NRXN1: variants seen among roughly 807,000 people sequenced by gnomAD.
NRXN1 encodes neurexin 1, also known as neurexin-1.
In NRXN1, 39 loss-of-function variants were observed where a neutral mutation model predicts 150.9. The observed-to-expected ratio is 0.26, with a 90% CI of 0.20 to 0.34. The LOEUF (loss-of-function observed/expected upper bound fraction) is 0.34, where lower values mean the gene tolerates loss of function less well. NRXN1 is among the 10% of genes least tolerant of loss of function. The probability of loss-of-function intolerance (pLI) is 1.00; values close to 1 mark genes in which losing one functional copy is unlikely to be tolerated. For synonymous variants in NRXN1, 924 were observed against 757.0 expected, an observed-to-expected ratio of 1.22 and a Z score of -3.62; for missense variants, 1,815 against 1,949.9, an observed-to-expected ratio of 0.93 and a Z score of 1.30.
intron 5 of NRXN1, among the ~76,000 whole-genome samples, chr2:50,757,813 T>G (rs1255916184): frequency 6.6e-6 from 1 of 151,620 alleles, no homozygotes; most frequent in Admixed American, 6.6e-5. Flanking sequence ...TCAATATTGA[T>G]GCATGCTGTG....
At chr2:50,522,720 A>ATTTTTTTTTT (rs869200431) in intron 12 of NRXN1, among the ~76,000 whole-genome samples, 2 of 47,720 alleles carry the variant, frequency 4.2e-5, no homozygotes, top group East Asian at 5.0e-4. Context: ...ATTTTTATTC[A>ATTTTTTTTTT]TTTTTTTTTT....
chr2:50,910,851 C>T (rs1043136267), intron 5 of NRXN1, among the ~76,000 whole-genome samples: 6 of 151,828 alleles, frequency 4.0e-5, no homozygotes, highest in African/African-American at 1.5e-4. Flanking sequence ...ATTCTGCTTC[C>T]TCTATAACTC....
chr2:50,079,640 T>A (rs1010132600), intron 19 of NRXN1, among the ~76,000 whole-genome samples: 1 of 152,144 alleles, frequency 6.6e-6, no homozygotes, highest in African/African-American at 2.4e-5. Context: ...GTAATAATTT[T>A]GATGCTAGAC....
At position 50,531,251 on chromosome 2, in the gene NRXN1, G is replaced by A. The variant is rs201387857; in HGVS notation, c.2323C>T (p.Arg775Cys). The change falls in exon 11 of 23, where the codon CGT becomes TGT. Residue 775 changes from arginine to cysteine, a missense_variant. By Grantham distance (180) the Arg-to-Cys change is radical. This residue lies in a region of NRXN1 where 638 missense variants were observed against 652.6 expected (regional missense o/e 0.98). Transcript: ENST00000401669. ...DTLRLELDAGRVKLTVNLDCI... is the reference protein window; with the variant it reads ...DTLRLELDAGCVKLTVNLDCI... The stretch of plus-strand genomic sequence containing the variant: ...CCTAGATTGACCGTCAGTTTCACAC[G>A]TCCTGCGTCTAGCTCCAGGCGGAGG... The A allele has an allele frequency of 6.8e-6, 11 of 1,613,164 alleles. No homozygotes were observed. The highest frequency in any genetic ancestry group is 1.7e-4 in the Middle Eastern group (1 of 6,024).
intron 17 of NRXN1, among the ~76,000 whole-genome samples, chr2:50,385,406 A>G (rs941061974): frequency 1.3e-5 from 2 of 152,190 alleles, no homozygotes; most frequent in Non-Finnish European, 2.9e-5. Context: ...GACTTCCTTA[A>G]TTCAGTACTG....
chr2:50,764,837 T>C (rs1192586189), intron 5 of NRXN1, among the ~76,000 whole-genome samples: 1 of 152,048 alleles, frequency 6.6e-6, no homozygotes, highest in Non-Finnish European at 1.5e-5. Flanking sequence ...CATGATTTAC[T>C]GTATTCTTCA....
At chr2:50,733,287 T>A (rs944019385) in intron 5 of NRXN1, among the ~76,000 whole-genome samples, 3 of 152,152 alleles carry the variant, frequency 2.0e-5, no homozygotes, top group Non-Finnish European at 2.9e-5. Flanking sequence ...CACTGATGAA[T>A]AGAAACCAAC....
intron 18 of NRXN1, among the ~76,000 whole-genome samples, chr2:50,125,192 T>C (rs1349643642): frequency 1.3e-5 from 2 of 152,172 alleles, no homozygotes. Context: ...TAATCAATTA[T>C]TGATATGTAG....
chr2:51,021,822 T>C (rs1289627057), intron 2 of NRXN1, among the ~76,000 whole-genome samples: 4 of 152,092 alleles, frequency 2.6e-5, no homozygotes, highest in Admixed American at 6.6e-5. Context: ...GCTATTAATA[T>C]AGTAAAAATC....
intron 22 of NRXN1, among the ~76,000 whole-genome samples, chr2:49,927,614 A>T (rs991167387): frequency 3.3e-5 from 5 of 152,190 alleles, no homozygotes; most frequent in African/African-American, 9.6e-5. Flanking sequence ...TTGAAATTGG[A>T]AACAGCAATC....
chr2:50,519,199 T>C (rs2092711841), intron 12 of NRXN1, among the ~76,000 whole-genome samples: 1 of 151,946 alleles, frequency 6.6e-6, no homozygotes, highest in South Asian at 2.1e-4. Context: ...TCGAATGCAA[T>C]ATATTTTTTC....
chr2:50,457,769 A>C (rs1265514504), intron 17 of NRXN1, among the ~76,000 whole-genome samples: 1 of 152,132 alleles, frequency 6.6e-6, no homozygotes, highest in East Asian at 1.9e-4. Context: ...ATCAAAATCA[A>C]AATCACAATG....
At chr2:50,550,689 T>A (rs1026247035) in intron 9 of NRXN1, among the ~76,000 whole-genome samples, 15 of 151,604 alleles carry the variant, frequency 9.9e-5, no homozygotes, top group African/African-American at 3.2e-4. Flanking sequence ...ATTTTTTATT[T>A]TTTTTTATTT....
intron 17 of NRXN1, among the ~76,000 whole-genome samples, chr2:50,377,730 C>G (rs1191274083): frequency 6.6e-6 from 1 of 152,046 alleles, no homozygotes; most frequent in Non-Finnish European, 1.5e-5. Flanking sequence ...TCACTACGTA[C>G]TTATGAAATT....
chr2:50,594,128 G>A (rs1322523149), intron 8 of NRXN1, among the ~76,000 whole-genome samples: 1 of 152,184 alleles, frequency 6.6e-6, no homozygotes, highest in Non-Finnish European at 1.5e-5. Flanking sequence ...TGAACTGTGA[G>A]TCAATTAAAC....
chr2:50,405,596 G>C (rs1165128099), intron 17 of NRXN1, among the ~76,000 whole-genome samples: 1 of 152,126 alleles, frequency 6.6e-6, no homozygotes, highest in African/African-American at 2.4e-5. Context: ...ATTTTCAACA[G>C]AGAAAATTGT....
intron 5 of NRXN1, among the ~76,000 whole-genome samples, chr2:50,671,818 G>A (rs1230969206): frequency 6.6e-6 from 1 of 151,726 alleles, no homozygotes; most frequent in Non-Finnish European, 1.5e-5. Flanking sequence ...TATAATAGTT[G>A]TAACTGCACA....
At chr2:50,895,569 T>A (rs573456897) in intron 5 of NRXN1, among the ~76,000 whole-genome samples, 5 of 117,816 alleles carry the variant, frequency 4.2e-5, no homozygotes, top group Admixed American at 4.2e-4. Context: ...TTTTTGGTTG[T>A]TTTTTTTGTT....
intron 17 of NRXN1, among the ~76,000 whole-genome samples, chr2:50,403,430 C>T: frequency 6.6e-6 from 1 of 152,190 alleles, no homozygotes; most frequent in Non-Finnish European, 1.5e-5. Context: ...CCAGGTAATT[C>T]TTACATATGT....
Sources: gnomAD v4.1 joint callset for allele counts (sites outside exome capture counted in the v4.1 genomes callset) on GRCh38, gnomAD v4.1.1 for gene constraint, gnomAD v4.1.1 regional missense constraint, MANE v1.5 for transcripts, NCBI Gene and HGNC (gene_info 2026-07-23, HGNC 2026-07-21) for gene names.